Variants in CBFB observed in about 807,000 individuals in gnomAD.
CBFB encodes the protein core-binding factor subunit beta.
CBFB carries 9 observed loss-of-function variants against 30.4 expected under a neutral mutation model. The ratio of observed to expected loss-of-function variants is 0.30; its 90% CI spans 0.18 to 0.52. The LOEUF (loss-of-function observed/expected upper bound fraction) is 0.52, where lower values mean the gene tolerates loss of function less well. Among genes scored for constraint, CBFB ranks in the 20% least tolerant of loss-of-function variants. The pLI is 0.97. For synonymous variants in CBFB, 94 were observed against 84.0 expected, an observed-to-expected ratio of 1.12 and a Z score of -0.65; for missense variants, 170 against 244.0, an observed-to-expected ratio of 0.70 and a Z score of 2.02.
At chr16:67,087,790 G>A (rs1167502356) in intron 5 of CBFB, among the ~76,000 whole-genome samples, 1 of 152,134 alleles carries the variant, frequency 6.6e-6, no homozygotes, top group Non-Finnish European at 1.5e-5. Flanking sequence ...TCCGTCACTT[G>A]CCTCAAGAGC....
At chr16:67,038,284 GTATATATATATATACACGTATA>G (rs1567604745) in intron 3 of CBFB, among the ~76,000 whole-genome samples, 2 of 148,990 alleles carry the variant, frequency 1.3e-5, no homozygotes, top group Non-Finnish European at 3.0e-5. Context: ...AATCTTGTGT[GTATATATATATATACACGTATA>G]TATGTGTATA....
chr16:67,067,125 T>G (rs953922695), intron 4 of CBFB, among the ~76,000 whole-genome samples: 1 of 151,454 alleles, frequency 6.6e-6, no homozygotes, highest in African/African-American at 2.4e-5. Context: ...AAATAAAATG[T>G]AGGAGCCGTG....
At chr16:67,065,247 T>G (rs906449925) in intron 3 of CBFB, among the ~76,000 whole-genome samples, 5 of 152,242 alleles carry the variant, frequency 3.3e-5, no homozygotes, top group East Asian at 1.9e-4. Flanking sequence ...AGATGAGAGA[T>G]ACTTTTGGTT....
chr16:67,082,923 C>A (rs1961609090), intron 5 of CBFB, among the ~76,000 whole-genome samples: 2 of 152,084 alleles, frequency 1.3e-5, no homozygotes, highest in Admixed American at 1.3e-4. Flanking sequence ...ATAAAAAAAT[C>A]TATAGCCCAA....
At chr16:67,084,496 G>A (rs927156461) in intron 5 of CBFB, among the ~76,000 whole-genome samples, 1 of 152,180 alleles carries the variant, frequency 6.6e-6, no homozygotes, top group Non-Finnish European at 1.5e-5. Flanking sequence ...GGTTGCCGGG[G>A]AAATGGGGGT....
chr16:67,062,890 G>C (rs1237769417), intron 3 of CBFB, among the ~76,000 whole-genome samples: 1 of 152,102 alleles, frequency 6.6e-6, no homozygotes, highest in Non-Finnish European at 1.5e-5. Context: ...ATAAAATCCA[G>C]TTCAAGTGGT....
At chr16:67,043,198 G>T (rs954733732) in intron 3 of CBFB, among the ~76,000 whole-genome samples, 10 of 152,202 alleles carry the variant, frequency 6.6e-5, no homozygotes, top group Admixed American at 1.3e-4. Context: ...ATACCAGGAG[G>T]CTGGGATCAT....
At chr16:67,041,900 C>CTTTT (rs577858550) in intron 3 of CBFB, among the ~76,000 whole-genome samples, 1 of 125,194 alleles carries the variant, frequency 8.0e-6, no homozygotes, top group Non-Finnish European at 1.7e-5. Flanking sequence ...TCCTGCCCTT[C>CTTTT]TTTTTTTTTT....
At chr16:67,037,666 A>ATTTTTTTTTTTTTTTTTTTTT (rs35804914) in intron 3 of CBFB, among the ~76,000 whole-genome samples, 2 of 129,294 alleles carry the variant, frequency 1.5e-5, no homozygotes, top group African/African-American at 6.2e-5. Context: ...GATTTTGGTA[A>ATTTTTTTTTTTTTTTTTTTTT]TTTTTTTTTT....
At position 67,029,337 on chromosome 16, in the gene CBFB, C is replaced by T; in HGVS notation, c.-71C>T. On this transcript the variant is annotated 5_prime_UTR_variant, in exon 1 of 6. Transcript: ENST00000412916. ...CGCGGGTGGGCGGTCAGTCGGTCAG[C>T]GCGGAGCCAGCCAGCGGGTGCCCGC... 3 of 1,167,390 alleles carry T rather than the reference C, an allele frequency of 2.6e-6. No individual in the cohort carries two copies. The highest frequency in any genetic ancestry group is 3.4e-6 in the Non-Finnish European group (3 of 884,606). 72.3% of individuals were successfully genotyped at this position (1,167,390 alleles called of 1,614,324 possible).
intron 4 of CBFB, among the ~76,000 whole-genome samples, chr16:67,080,602 G>A (rs2145768787): frequency 6.6e-6 from 1 of 152,280 alleles, no homozygotes; most frequent in East Asian, 1.9e-4. Context: ...CAGATCTTTA[G>A]CCACTAACTG....
chr16:67,062,247 C>A (rs1436455179), intron 3 of CBFB, among the ~76,000 whole-genome samples: 2 of 150,132 alleles, frequency 1.3e-5, no homozygotes, highest in South Asian at 4.3e-4. Context: ...CGGCTCACTG[C>A]AAACTCCATC....
Position 67,055,369 on chromosome 16 carries a change from T to C in CBFB, c.283-11313T>C, listed in dbSNP as rs952141464. On this transcript the variant is annotated intron_variant, in intron 3 of 5. Coordinates refer to ENST00000412916, the MANE Select transcript of CBFB (RefSeq NM_022845.3). The stretch of plus-strand genomic sequence containing the variant: ...TTCCAGACACTTTCTTTTTTTTTTT[T>C]TTTTTTTTTTTTTTTGAGACGGAGT... 2.8e-4 allele frequency among the ~76,000 whole-genome samples: 38 copies of C among 136,522 alleles called. 1 individual carries two copies. Among genetic ancestry groups the C allele is most frequent in the Non-Finnish European group, 9.4e-5 (6 of 63,524 alleles). 89.6% of individuals were successfully genotyped at this position (136,522 alleles called of 152,430 possible).
At chr16:67,091,802 A>C (rs1272995481) in intron 5 of CBFB, among the ~76,000 whole-genome samples, 3 of 152,016 alleles carry the variant, frequency 2.0e-5, no homozygotes, top group Admixed American at 6.6e-5. Flanking sequence ...ACATAGGTAT[A>C]CCTGTGCCAT....
rs1962182012 is a variant in CBFB, at chr16:67,100,285, A to AT, written c.*1508dup. 1 of 221,568 alleles carries AT rather than the reference A, an allele frequency of 4.5e-6. No homozygotes were observed. The highest frequency in any genetic ancestry group is 9.0e-6 in the Non-Finnish European group (1 of 110,604). The allele number at this position is 221,568 out of a possible 1,614,324, so 13.7% of individuals were successfully genotyped here. Reference sequence around the variant, plus strand: ...TAAGGTCATTGCATTTAAAAAGCATATAACTGTACTTGACTGATGAGGGAG... The same window carrying AT: ...TAAGGTCATTGCATTTAAAAAGCATATTAACTGTACTTGACTGATGAGGGAG... On this transcript the variant is annotated 3_prime_UTR_variant, in exon 6 of 6. Coordinates refer to ENST00000412916, the MANE Select transcript of CBFB (RefSeq NM_022845.3).
intron 4 of CBFB, among the ~76,000 whole-genome samples, chr16:67,080,082 A>G (rs529384226): frequency 1.1e-4 from 17 of 152,250 alleles, no homozygotes; most frequent in African/African-American, 4.1e-4. Context: ...ACAGAGTGAG[A>G]CTCTGTCTCA....
At chr16:67,030,253 C>T (rs1171672821) in intron 2 of CBFB, 1 of 158,052 alleles carries the variant, frequency 6.3e-6, no homozygotes, top group Non-Finnish European at 1.4e-5. Context: ...TACCAGATCG[C>T]CGAGTAGAAA....
rs2145792905 is a variant in CBFB at position 67,100,365 on chromosome 16, A to G, written c.*1587A>G. ...TTCATAAACAGATATCCTGTATCAA[A>G]TAAAAGTATTTGTTATATATTTGAA... is the stretch of plus-strand genomic sequence containing the variant. On this transcript the variant is annotated 3_prime_UTR_variant, in exon 6 of 6. Coordinates refer to ENST00000412916, the MANE Select transcript of CBFB (RefSeq NM_022845.3). 1 of 221,684 alleles carries G rather than the reference A, an allele frequency of 4.5e-6. No homozygotes were observed. Among genetic ancestry groups the G allele is most frequent in the African/African-American group, 2.2e-5 (1 of 44,850 alleles). 13.7% of individuals were successfully genotyped at this position (221,684 alleles called of 1,614,324 possible). A position where few individuals can be genotyped will look rare whatever the true frequency, so the allele number is the denominator to read the frequency against.
chr16:67,039,761 G>A (rs1966500567), intron 3 of CBFB, among the ~76,000 whole-genome samples: 1 of 152,050 alleles, frequency 6.6e-6, no homozygotes, highest in East Asian at 1.9e-4. Context: ...TTTCAGTTTT[G>A]CAGGCTTTCA....
Sources: allele counts gnomAD v4.1 joint callset (sites outside exome capture counted in the v4.1 genomes callset), GRCh38; gene constraint gnomAD v4.1.1; transcripts MANE v1.5; gene names NCBI Gene and HGNC (gene_info 2026-07-23, HGNC 2026-07-21).